The following NT5DC3 variants were observed in gnomAD, a reference collection of about 807,000 sequenced individuals.
NT5DC3 encodes 5'-nucleotidase domain containing 3.
In NT5DC3, 42 loss-of-function variants were observed where a neutral mutation model predicts 67.8. That is an observed-to-expected ratio of 0.62 (90% CI 0.48 to 0.80). The LOEUF (loss-of-function observed/expected upper bound fraction) is 0.80. NT5DC3 is among the 30% of genes least tolerant of loss of function. NT5DC3 has a pLI of 0.00. For missense variants in NT5DC3, 570 were observed against 696.4 expected (o/e 0.82, Z 2.04); for synonymous variants, 237 against 255.6 (o/e 0.93, Z 0.69).
intron 1 of NT5DC3, among the ~76,000 whole-genome samples, chr12:103,834,442 T>C (rs1397052135): frequency 6.6e-6 from 1 of 152,166 alleles, no homozygotes; most frequent in Admixed American, 6.5e-5. Context: ...TGAGAAACTG[T>C]TACAGCCTAA....
rs1363599829 is a variant in NT5DC3 at position 103,777,848 on chromosome 12, T to A, written c.1628A>T (p.Gln543Leu). 4 of 1,613,262 alleles carry A rather than the reference T, an allele frequency of 2.5e-6. No homozygotes were observed. The African/African-American group carries it at 4.0e-5, about 16-fold the overall frequency. The stretch of plus-strand genomic sequence containing the variant: ...CCTTGGCTACTTGGCCTGGGCCTCC[T>A]GCAGGAGAGGGGTTCCGAAGGTGGG... ...RPPTFGTPLL[Q>L]EAQAK Residue 543 changes from glutamine to leucine, a missense_variant, in exon 14 of 14, where the codon CAG becomes CTG. By Grantham distance (113) the Gln-to-Leu change is moderately radical. Transcript: ENST00000392876.
chr12:103,770,136 T>C (rs765098857), downstream of NT5DC3, among the ~76,000 whole-genome samples: 11 of 152,226 alleles, frequency 7.2e-5, no homozygotes, highest in Non-Finnish European at 1.2e-4. Context: ...TTAATCAGTG[T>C]AATATTCTAC....
At position 103,798,628 on chromosome 12, in the gene NT5DC3, A is replaced by AC; in HGVS notation, c.573dup (p.Ser192ValfsTer10). 1 of 1,613,946 alleles carries AC rather than the reference A, an allele frequency of 6.2e-7. No homozygotes were observed. The highest frequency in any genetic ancestry group is 8.5e-7 in the Non-Finnish European group (1 of 1,179,868). ...CTCATCTGCTCCAAGGGCACGTGGG[A>AC]CCCCTCGTACATTTCAATGACTTCT... On this transcript the variant is annotated frameshift_variant, in exon 5 of 14. Coordinates refer to ENST00000392876, the MANE Select transcript of NT5DC3 (RefSeq NM_001031701.3). LOFTEE classifies it high-confidence loss of function.
At chr12:103,763,451 T>G in the NT5DC3 span, 1 of 1,593,168 alleles carries the variant, frequency 6.3e-7, no homozygotes, top group Non-Finnish European at 8.6e-7. Context: ...CGCTCCTGCT[T>G]TGGGGATGCT....
intron 4 of NT5DC3, among the ~76,000 whole-genome samples, chr12:103,805,412 T>C (rs1194555596): frequency 2.6e-5 from 4 of 152,194 alleles, no homozygotes; most frequent in African/African-American, 9.7e-5. Context: ...AAACAAGCAT[T>C]AATTTTAACA....
intron 1 of NT5DC3, among the ~76,000 whole-genome samples, chr12:103,816,472 T>C (rs1010430288): frequency 6.6e-6 from 1 of 152,236 alleles, no homozygotes; most frequent in African/African-American, 2.4e-5. Context: ...ACCTTTCAGA[T>C]GATTTCCTTC....
chr12:103,833,465 T>C (rs1192742914), intron 1 of NT5DC3, among the ~76,000 whole-genome samples: 1 of 152,148 alleles, frequency 6.6e-6, no homozygotes, highest in Non-Finnish European at 1.5e-5. Context: ...TATAGAATTA[T>C]TATTATCCTT....
At chr12:103,828,102 C>A (rs1441715613) in intron 1 of NT5DC3, among the ~76,000 whole-genome samples, 4 of 152,220 alleles carry the variant, frequency 2.6e-5, no homozygotes, top group African/African-American at 9.7e-5. Flanking sequence ...CAAAGTTGAG[C>A]TTCCAAAATG....
chr12:103,836,272 A>G (rs965101340), intron 1 of NT5DC3, among the ~76,000 whole-genome samples: 2 of 152,298 alleles, frequency 1.3e-5, no homozygotes, highest in South Asian at 2.1e-4. Context: ...AGCACTAACC[A>G]TAACTCCACA....
rs536432437 is a variant in NT5DC3, at chr12:103,804,911, C to T, written c.524+1411G>A. Among the ~76,000 whole-genome samples the T allele has an allele frequency of 8.5e-5, 13 of 152,196 alleles. No homozygotes were observed. The South Asian group carries it at 1.4e-3, about 17-fold the overall frequency. ...TTTTAAAAATACAAAACTAGCCGGG[C>T]GTGGCGGCACATGCCTGTAATCCCA... On this transcript the variant is annotated intron_variant, in intron 4 of 13. Coordinates refer to ENST00000392876, the MANE Select transcript of NT5DC3 (RefSeq NM_001031701.3).
At chr12:103,749,841 C>CCAAAAAAAA in the NT5DC3 span, among the ~76,000 whole-genome samples, 1 of 51,132 alleles carries the variant, frequency 2.0e-5, no homozygotes, top group East Asian at 6.3e-4. Flanking sequence ...CTCTGTCTCA[C>CCAAAAAAAA]AAAAAAAAAA....
rs1338954132 is a variant in NT5DC3, at chr12:103,806,826, C to T, written c.468+29G>A. The T allele has an allele frequency of 4.4e-6, 6 of 1,375,870 alleles. No homozygotes were observed. In the East Asian group the frequency reaches 1.1e-4, roughly 26 times the overall value. The allele number at this position is 1,375,870 out of a possible 1,614,324, so 85.2% of individuals were successfully genotyped here. Reference sequence around the variant, plus strand: ...CATTTCATTTCCAAACATCATTAAACCATAGAAAAACAGGAGAAGTAAACC... The same window carrying T: ...CATTTCATTTCCAAACATCATTAAATCATAGAAAAACAGGAGAAGTAAACC... On this transcript the variant is annotated intron_variant, in intron 3 of 13. Transcript: ENST00000392876.
the NT5DC3 span, among the ~76,000 whole-genome samples, chr12:103,754,496 T>C: frequency 2.7e-4 from 41 of 152,172 alleles, no homozygotes; most frequent in Non-Finnish European, 5.4e-4. Flanking sequence ...TGTTGACACA[T>C]GAAAAACTCT....
In NT5DC3 at chr12:103,775,878, G is replaced by A. The variant is rs889021800; in HGVS notation, c.*1951C>T. The A allele has an allele frequency of 2.0e-5, 3 of 152,182 alleles. No individual in the cohort carries two copies. Among genetic ancestry groups the A allele is most frequent in the Non-Finnish European group, 4.4e-5 (3 of 68,040 alleles). The allele number at this position is 152,182 out of a possible 1,614,324, so 9.4% of individuals were successfully genotyped here. On this transcript the variant is annotated 3_prime_UTR_variant, in exon 14 of 14. Coordinates refer to ENST00000392876, the MANE Select transcript of NT5DC3 (RefSeq NM_001031701.3). ...TCTGCCATCTGGCAAGGAGCCCATG[G>A]AATGCCAGACTTGGATTTCATCAAT...
intron 4 of NT5DC3, among the ~76,000 whole-genome samples, chr12:103,806,117 T>C (rs1415757864): frequency 1.3e-5 from 2 of 152,156 alleles, no homozygotes; most frequent in Non-Finnish European, 2.9e-5. Context: ...ACCCACACTC[T>C]GAGCTCCTTG....
intron 1 of NT5DC3, among the ~76,000 whole-genome samples, chr12:103,830,819 A>G (rs1014473418): frequency 1.3e-5 from 2 of 152,244 alleles, no homozygotes; most frequent in Non-Finnish European, 2.9e-5. Flanking sequence ...ACTCATAGAT[A>G]GCACTACATA....
intron 1 of NT5DC3, among the ~76,000 whole-genome samples, chr12:103,838,431 A>G (rs559187090): frequency 5.3e-5 from 8 of 152,244 alleles, no homozygotes; most frequent in Non-Finnish European, 1.2e-4. Flanking sequence ...TTTACAGATG[A>G]AGAAACTCAA....
chr12:103,825,645 T>C (rs973366712), intron 1 of NT5DC3, among the ~76,000 whole-genome samples: 8 of 152,066 alleles, frequency 5.3e-5, no homozygotes, highest in Non-Finnish European at 1.0e-4. Context: ...ATTTTAAAAG[T>C]AGCCAGGCAC....
At chr12:103,766,104 G>A (rs773562579), downstream of NT5DC3, 4 of 768,346 alleles carry the variant, frequency 5.2e-6, no homozygotes, top group South Asian at 2.9e-5. Context: ...TAAAACAGGT[G>A]GCCCTACCCC....
Sources: gnomAD v4.1 joint callset for allele counts (sites outside exome capture counted in the v4.1 genomes callset) on GRCh38, gnomAD v4.1.1 for gene constraint, MANE v1.5 for transcripts, NCBI Gene and HGNC (gene_info 2026-07-23, HGNC 2026-07-21) for gene names.